MME: variants seen among roughly 807,000 people sequenced by gnomAD.
The protein encoded by MME is neprilysin.
Under a neutral mutation model 113.2 loss-of-function variants are expected in MME, and 98 were observed. The ratio of observed to expected loss-of-function variants is 0.87; its 90% CI spans 0.74 to 1.02. The LOEUF is 1.02. Among genes scored for constraint, MME ranks in the 50% least tolerant of loss-of-function variants. The pLI, the probability that MME is intolerant of heterozygous loss-of-function variation, is 0.00. For missense variants in MME, 836 were observed against 896.0 expected, an observed-to-expected ratio of 0.93 and a Z score of 0.86; for synonymous variants, 292 against 300.6, an observed-to-expected ratio of 0.97 and a Z score of 0.30.
intron 22 of MME, among the ~76,000 whole-genome samples, chr3:155,176,778 A>C (rs1217508056): frequency 6.6e-6 from 1 of 152,138 alleles, no homozygotes; most frequent in Non-Finnish European, 1.5e-5. Flanking sequence ...GTGAGCTGTG[A>C]TCGTGCCTCT....
chr3:155,085,345 T>A, intron 3 of MME: 1 of 311,410 alleles, frequency 3.2e-6, no homozygotes, highest in Non-Finnish European at 5.9e-6. Flanking sequence ...ATATCGCTAT[T>A]TGTATGGAGC....
rs1449071140 is a variant in MME, at chr3:155,050,618, ATG to A, written c.-11+26296_-11+26297del. Among the ~76,000 whole-genome samples the A allele has an allele frequency of 2.0e-5, 3 of 152,284 alleles. No individual in the cohort carries two copies. The South Asian group carries it at 6.2e-4, about 32-fold the overall frequency. The stretch of plus-strand genomic sequence containing the variant: ...ATTTTTTCATATGCTTCTTGGTTGC[ATG>A]TATGTTTTCTTTTGAAAAAATGTTT... On this transcript the variant is annotated intron_variant, in intron 1 of 22. Transcript: ENST00000492661.
intron 1 of MME, among the ~76,000 whole-genome samples, chr3:155,039,767 T>C (rs1713247362): frequency 6.6e-6 from 1 of 152,064 alleles, no homozygotes; most frequent in African/African-American, 2.4e-5. Context: ...GAAAAAAAAG[T>C]AAGTATAAAA....
chr3:155,162,153 G>T (rs975779598), intron 17 of MME, among the ~76,000 whole-genome samples: 4 of 152,118 alleles, frequency 2.6e-5, no homozygotes, highest in African/African-American at 9.7e-5. Flanking sequence ...GGATCCTATC[G>T]GAGCTCATGC....
At chr3:155,108,954 G>A (rs1456711764) in intron 3 of MME, among the ~76,000 whole-genome samples, 2 of 152,156 alleles carry the variant, frequency 1.3e-5, no homozygotes, top group Admixed American at 6.5e-5. Context: ...ACTTAAGGTT[G>A]CGTCTTCTTA....
In MME at chr3:155,140,170, G is replaced by T. The variant is rs1225227905; in HGVS notation, c.856-21G>T. The T allele has an allele frequency of 2.6e-6, 4 of 1,528,534 alleles. No homozygotes were observed. In the East Asian group the frequency reaches 6.8e-5, roughly 26 times the overall value. 94.7% of individuals were successfully genotyped at this position (1,528,534 alleles called of 1,614,324 possible). A position where few individuals can be genotyped will look rare whatever the true frequency, so the allele number is the denominator to read the frequency against. ...AAAGAATTCTTAATTCTAAAATAAT[G>T]ATTAAAAATTAAATCCATAGGCTAC... On this transcript the variant is annotated intron_variant, in intron 9 of 22. Coordinates refer to ENST00000360490, the MANE Select transcript of MME (RefSeq NM_007289.4).
chr3:155,143,706 T>C (rs750579290), intron 13 of MME, 135 bp downstream of exon 13: 3 of 1,046,150 alleles, frequency 2.9e-6, no homozygotes, highest in Non-Finnish European at 4.3e-6. Flanking sequence ...AATCATAATA[T>C]GCCATTGTTT....
chr3:155,166,713 A>C (rs1355152018), intron 17 of MME, among the ~76,000 whole-genome samples, 189 bp from the exon 18 acceptor site: 2 of 152,206 alleles, frequency 1.3e-5, no homozygotes, highest in African/African-American at 4.8e-5. Flanking sequence ...TAACTAAGTG[A>C]AACTGACATA....
At chr3:155,122,178 C>T (rs1719207109) in intron 8 of MME, among the ~76,000 whole-genome samples, 1 of 149,812 alleles carries the variant, frequency 6.7e-6, no homozygotes, top group South Asian at 2.1e-4. Context: ...TTATCCATTT[C>T]TTCTAGATTT....
At chr3:155,047,088 T>G (rs1400689837) in intron 1 of MME, among the ~76,000 whole-genome samples, 2 of 152,206 alleles carry the variant, frequency 1.3e-5, no homozygotes, top group Non-Finnish European at 2.9e-5. Flanking sequence ...GCCTTCACAT[T>G]CACTCACCAC....
At chr3:155,172,461 C>T (rs1712084361) in intron 21 of MME, 75 bp from the exon 22 acceptor site, 6 of 1,183,118 alleles carry the variant, frequency 5.1e-6, no homozygotes, top group Middle Eastern at 1.9e-4. Flanking sequence ...TTTCTCCTTC[C>T]CCTCAACTTG....
chr3:155,162,756 T>A (rs1157723803), intron 17 of MME, among the ~76,000 whole-genome samples: 1 of 151,974 alleles, frequency 6.6e-6, no homozygotes, highest in Non-Finnish European at 1.5e-5. Context: ...CTCATGTCTG[T>A]AATCTCAGCA....
In MME at chr3:155,065,345, A is replaced by G. The variant is rs556142796; in HGVS notation, c.-10-18813A>G. Among the ~76,000 whole-genome samples, 20 of 152,264 alleles carry G rather than the reference A, an allele frequency of 1.3e-4. 1 individual carries two copies. Among genetic ancestry groups the G allele is most frequent in the Admixed American group, 6.5e-4 (10 of 15,292 alleles). On this transcript the variant is annotated intron_variant, in intron 1 of 22. Transcript: ENST00000492661. ...AAAAGGGAATATTCTATTTATCTCT[A>G]TGTCTTAAGGACCTACCAGAATGGC...
At chr3:155,082,039 G>C (rs1359164552) in intron 1 of MME, 3 of 152,168 alleles carry the variant, frequency 2.0e-5, no homozygotes, top group African/African-American at 4.8e-5. Flanking sequence ...GACCCATTAA[G>C]AGCCCAGCTG....
At chr3:155,174,379 T>TGA (rs1553769107) in intron 22 of MME, among the ~76,000 whole-genome samples, 2 of 121,948 alleles carry the variant, frequency 1.6e-5, no homozygotes, top group African/African-American at 6.4e-5. Flanking sequence ...TGTGTGTGTG[T>TGA]GAAGGGTAAA....
chr3:155,163,403 TC>T (rs1266302879), intron 17 of MME, among the ~76,000 whole-genome samples: 2 of 152,192 alleles, frequency 1.3e-5, no homozygotes, highest in East Asian at 3.8e-4. Flanking sequence ...TTCCTACTCT[TC>T]ATATCAACAA....
chr3:155,165,366 A>G (rs1723018101), intron 17 of MME, among the ~76,000 whole-genome samples: 1 of 152,186 alleles, frequency 6.6e-6, no homozygotes, highest in African/African-American at 2.4e-5. Context: ...TTTAAGACAC[A>G]TTATTAGTAT....
intron 8 of MME, among the ~76,000 whole-genome samples, chr3:155,122,249 G>A (rs1212803257): frequency 2.0e-5 from 3 of 151,990 alleles, no homozygotes; most frequent in Non-Finnish European, 4.4e-5. Context: ...TATTTCTGTA[G>A]GATCGGTGGT....
Position 155,153,387 on chromosome 3 carries a change from C to T in MME, c.1601+4734C>T, listed in dbSNP as rs6797549. Among the ~76,000 whole-genome samples, 870 of 152,170 alleles carry T rather than the reference C, an allele frequency of 5.7e-3. 7 individuals carry two copies. The highest frequency in any genetic ancestry group is 0.019 in the African/African-American group (798 of 41,518). On this transcript the variant is annotated intron_variant, in intron 16 of 22. Transcript: ENST00000360490. ...AACATTATGTCTTTTAAGGATTTTG[C>T]GCCAGTTTGTAAAGAATTTTAAACA...
Sources: gnomAD v4.1 joint callset for allele counts (sites outside exome capture counted in the v4.1 genomes callset) on GRCh38, gnomAD v4.1.1 for gene constraint, MANE v1.5 for transcripts, NCBI Gene and HGNC (gene_info 2026-07-23, HGNC 2026-07-21) for gene names.